The following LTN1 variants were observed in gnomAD, a reference collection of about 807,000 sequenced individuals.
The protein encoded by LTN1 is listerin E3 ubiquitin protein ligase 1.
A neutral mutation model predicts 201.2 loss-of-function variants in LTN1; 88 were observed. The observed-to-expected ratio is 0.44, with a 90% confidence interval of 0.37 to 0.52. The LOEUF (loss-of-function observed/expected upper bound fraction) is 0.52, where lower values mean the gene tolerates loss of function less well. LTN1 is among the 20% of genes least tolerant of loss of function. The pLI, the probability that LTN1 is intolerant of heterozygous loss-of-function variation, is 0.00. For missense variants in LTN1, 1,752 were observed against 2,038.7 expected (o/e 0.86, Z 2.71); for synonymous variants, 645 against 713.5 (o/e 0.90, Z 1.53).
intron 18 of LTN1, among the ~76,000 whole-genome samples, chr21:28,948,701 T>A (rs944694058): frequency 6.6e-6 from 1 of 152,206 alleles, no homozygotes; most frequent in African/African-American, 2.4e-5. Context: ...TATTCTGTTT[T>A]AAAGCTACGT....
At chr21:28,959,909 A>C in intron 12 of LTN1, 2 of 381,714 alleles carry the variant, frequency 5.2e-6, no homozygotes, top group Non-Finnish European at 8.7e-6. Flanking sequence ...GAAATGGTCT[A>C]CAGTTAGGGT....
At chr21:28,985,407 C>G (rs1456278090) in intron 3 of LTN1, among the ~76,000 whole-genome samples, 1 of 149,666 alleles carries the variant, frequency 6.7e-6, no homozygotes, top group African/African-American at 2.5e-5. Flanking sequence ...TTGCAGTGAA[C>G]AGAGATCGCG....
chr21:28,986,152 C>CA lies in LTN1; in HGVS notation c.331dup (p.Cys111LeufsTer6). ...TTTAATACTTACAAGTGAAATTTTG[C>CA]AAAAAATTCTTGGCCAATATGGAAG... On this transcript the variant is annotated frameshift_variant, in exon 3 of 30. Coordinates refer to ENST00000361371, the MANE Select transcript of LTN1 (RefSeq NM_015565.3). LOFTEE classifies it high-confidence loss of function. The surrounding 1 kb of genome is among the most constrained non-coding windows in gnomAD (Gnocchi z 4.1). The CA allele has an allele frequency of 6.2e-7, 1 of 1,608,602 alleles. No homozygotes were observed. The highest frequency in any genetic ancestry group is 8.5e-7 in the Non-Finnish European group (1 of 1,175,216).
At chr21:28,984,008 C>A (rs2084677992) in intron 4 of LTN1, among the ~76,000 whole-genome samples, 2 of 152,082 alleles carry the variant, frequency 1.3e-5, no homozygotes, top group Admixed American at 1.3e-4. Flanking sequence ...AAAGTTATGG[C>A]AAAAGTGTTA....
rs767129721 is a variant in LTN1 at position 28,935,315 on chromosome 21, G to T, written c.4669C>A (p.Pro1557Thr). 5.0e-6 allele frequency: 8 copies of T among 1,612,492 alleles called. No individual in the cohort carries two copies. ...CAAGCCAAGTGTGGAATGTGGTATG[G>T]AAGCATTGTTGTTTCTGAGGAAAAA... The part of the protein sequence containing the change: ...QLSIRETTML[P>T]YHIPHLACSV... The change falls in exon 27 of 30, where the codon CCA becomes ACA. Residue 1557 changes from proline to threonine, a missense_variant. Around this residue, in one of 3 missense-constraint regions of LTN1, gnomAD observed 261 missense variants for 350.1 expected, o/e 0.75. Transcript: ENST00000361371.
intron 24 of LTN1, among the ~76,000 whole-genome samples, chr21:28,942,817 G>C (rs1366302036): frequency 6.6e-6 from 1 of 152,006 alleles, no homozygotes; most frequent in Non-Finnish European, 1.5e-5. Flanking sequence ...TTAAAAAAAA[G>C]TTATCTATCC....
At chr21:28,978,031 A>G (rs950730167) in intron 6 of LTN1, among the ~76,000 whole-genome samples, 1 of 151,852 alleles carries the variant, frequency 6.6e-6, no homozygotes, top group African/African-American at 2.4e-5. Flanking sequence ...AAATTTCTGA[A>G]TGTATGATTT....
rs1424002475 is a variant in LTN1, at chr21:28,944,551, G to A, written c.3814C>T (p.Leu1272=). 2 of 1,613,934 alleles carry A rather than the reference G, an allele frequency of 1.2e-6. No individual in the cohort carries two copies. Among genetic ancestry groups the A allele is most frequent in the East Asian group, 2.2e-5 (1 of 44,848 alleles). The change falls in exon 22 of 30, where the codon CTG becomes TTG. Residue 1272 remains leucine (L), a synonymous_variant. Transcript: ENST00000361371. ...QALYSIPLVQ[L]FACVSCDLAC... The stretch of plus-strand genomic sequence containing the variant: ...AAATCACAGCTGACACAGGCAAACA[G>A]TTGCACAAGTGGAATAGAATACAAT...
rs758481091 is a variant in LTN1, at chr21:28,956,892, T to C, written c.2949A>G (p.Lys983=). Reference sequence around the variant, plus strand: ...TTATGTCCTGTTCCTTAAAATCTGTTTTGAAACATTCATAATTCAAACTCA... The same window carrying C: ...TTATGTCCTGTTCCTTAAAATCTGTCTTGAAACATTCATAATTCAAACTCA... ...GRLSLNYECF[K]TDFKEQDIKT... The change falls in exon 16 of 30, where the codon AAA becomes AAG. Residue 983 remains lysine, a synonymous_variant. Coordinates refer to ENST00000361371, the MANE Select transcript of LTN1 (RefSeq NM_015565.3). 1 of 1,610,480 alleles carries C rather than the reference T, an allele frequency of 6.2e-7. No individual in the cohort carries two copies. Among genetic ancestry groups the C allele is most frequent in the Non-Finnish European group, 8.5e-7 (1 of 1,178,300 alleles).
At chr21:28,962,538 T>C (rs1489268715) in intron 11 of LTN1, among the ~76,000 whole-genome samples, 24 of 152,228 alleles carry the variant, frequency 1.6e-4, no homozygotes, top group Admixed American at 1.6e-3. Context: ...ATTGTGTGTG[T>C]GTTCTGACTG....
rs537386036 is a variant in LTN1, at chr21:28,959,280, C to T, written c.2593+178G>A. The T allele has an allele frequency of 4.3e-5, 28 of 650,962 alleles. No homozygotes were observed. In the East Asian group the frequency reaches 4.7e-4, roughly 11 times the overall value. 40.3% of individuals were successfully genotyped at this position (650,962 alleles called of 1,614,324 possible). A position where few individuals can be genotyped will look rare whatever the true frequency, so the allele number is the denominator to read the frequency against. ...GTGAGATCTTTAGAAATAACATCTA[C>T]GTACATCTTTAACTTGCTTTCTAGA... is the stretch of plus-strand genomic sequence containing the variant. On this transcript the variant is annotated intron_variant, in intron 13 of 29. Transcript: ENST00000361371.
In LTN1 at chr21:28,941,337, A is replaced by G. The variant is rs1387756606; in HGVS notation, c.4365T>C (p.Cys1455=). 3 of 1,613,408 alleles carry G rather than the reference A, an allele frequency of 1.9e-6. No individual in the cohort carries two copies. The African/African-American group carries it at 4.0e-5, about 22-fold the overall frequency. Residue 1455 remains cysteine (C), a synonymous_variant, in exon 25 of 30, where the codon TGT becomes TGC. Transcript: ENST00000361371. ...TAGTAACTATCTGTCCAACAGGAATACACCCCAAAACATTTTCTAGTAAGT... is the reference window on the plus strand; with the variant it reads ...TAGTAACTATCTGTCCAACAGGAATGCACCCCAAAACATTTTCTAGTAAGT... The part of the protein sequence containing the change: ...QEDLLENVLG[C]IPVGQIVTIK...
chr21:28,934,978 T>G, intron 27 of LTN1, 131 bp downstream of exon 27: 1 of 664,856 alleles, frequency 1.5e-6, no homozygotes, highest in Non-Finnish European at 2.6e-6. Flanking sequence ...GATTAAGGCA[T>G]GAGCCACGAC....
Position 28,966,864 on chromosome 21 carries a change from C to T in LTN1, c.1627G>A (p.Asp543Asn), listed in dbSNP as rs2084529115. 5 of 1,611,156 alleles carry T rather than the reference C, an allele frequency of 3.1e-6. No individual in the cohort carries two copies. Among genetic ancestry groups the T allele is most frequent in the Non-Finnish European group, 4.2e-6 (5 of 1,179,326 alleles). ...KKKNGKVRFADEILESNKENE... is the reference protein window; with the variant it reads ...KKKNGKVRFANEILESNKENE... ...TCTTTATTGCTTTCAAGTATCTCAT[C>T]AGCAAATCTAACCTTACCATTTTTT... Residue 543 changes from aspartate (D) to asparagine (N), a missense_variant, in exon 10 of 30, where the codon GAT (aspartate) becomes AAT (asparagine). Physicochemically the swap from Asp to Asn is conservative, Grantham distance 23. Around this residue, in one of 3 missense-constraint regions of LTN1, gnomAD observed 1,211 missense variants for 1,312.8 expected, o/e 0.92. Coordinates refer to ENST00000361371, the MANE Select transcript of LTN1 (RefSeq NM_015565.3).
intron 25 of LTN1, among the ~76,000 whole-genome samples, chr21:28,939,292 T>C (rs1471969714): frequency 6.6e-6 from 1 of 152,084 alleles, no homozygotes; most frequent in Non-Finnish European, 1.5e-5. Context: ...GTGGGGGTCA[T>C]GGGAGGGAGC....
intron 6 of LTN1, among the ~76,000 whole-genome samples, chr21:28,975,157 G>T (rs1323823070): frequency 6.6e-6 from 1 of 152,122 alleles, no homozygotes; most frequent in Non-Finnish European, 1.5e-5. Context: ...TGACCCAGAC[G>T]TTATCAGACA....
At chr21:28,957,524 G>C (rs759751606) in intron 14 of LTN1, 48 bp from the exon 15 acceptor site, 1 of 1,376,542 alleles carries the variant, frequency 7.3e-7, no homozygotes, top group African/African-American at 1.5e-5. Flanking sequence ...GCTATGACTA[G>C]TTTGAATACC....
At chr21:28,957,584 G>A (rs879234583) in intron 14 of LTN1, 108 bp from the exon 15 acceptor site, 2 of 672,748 alleles carry the variant, frequency 3.0e-6, no homozygotes, top group African/African-American at 3.7e-5. Flanking sequence ...AAAAAGAAAT[G>A]ATGAAAATAA....
chr21:28,967,583 A>T (rs2084537075), intron 9 of LTN1: 1 of 161,620 alleles, frequency 6.2e-6, no homozygotes, highest in African/African-American at 2.4e-5. Flanking sequence ...GAAGTTCTTC[A>T]CCCCTTCCCG....
Sources: gnomAD v4.1 joint callset for allele counts (sites outside exome capture counted in the v4.1 genomes callset) on GRCh38, gnomAD v4.1.1 for gene constraint, gnomAD v4.1.1 regional missense constraint, Gnocchi (gnomAD v3.1) non-coding constraint, MANE v1.5 for transcripts, NCBI Gene and HGNC (gene_info 2026-07-23, HGNC 2026-07-21) for gene names.